CAST: variants seen among roughly 807,000 people sequenced by gnomAD.
CAST encodes calpastatin, also known as MIR583 host.
Under a neutral mutation model 119.6 loss-of-function variants are expected in CAST, and 76 were observed. The observed-to-expected ratio is 0.64, with a 90% CI of 0.53 to 0.77. The LOEUF (loss-of-function observed/expected upper bound fraction) is 0.77, where lower values mean the gene tolerates loss of function less well. Among genes scored for constraint, CAST ranks in the 30% least tolerant of loss-of-function variants. The probability of loss-of-function intolerance (pLI) is 0.00; values close to 1 mark genes in which losing one functional copy is unlikely to be tolerated. For synonymous variants in CAST, 319 were observed against 331.6 expected, an observed-to-expected ratio of 0.96 and a Z score of 0.41; for missense variants, 953 against 946.5, an observed-to-expected ratio of 1.01 and a Z score of -0.09.
the CAST span, among the ~76,000 whole-genome samples, chr5:96,164,040 A>G: frequency 6.6e-6 from 1 of 152,204 alleles, no homozygotes; most frequent in Non-Finnish European, 1.5e-5. Context: ...TACATGAAAA[A>G]AAAACACTGA....
intron 1 of CAST, among the ~76,000 whole-genome samples, chr5:96,530,571 T>C (rs1280206425): frequency 6.6e-6 from 1 of 152,078 alleles, no homozygotes; most frequent in African/African-American, 2.4e-5. Context: ...TAGTGAAAGA[T>C]TGCCCAGGAA....
the CAST span, among the ~76,000 whole-genome samples, chr5:96,267,462 C>T: frequency 3.1e-4 from 47 of 152,196 alleles, 1 homozygote; most frequent in East Asian, 8.9e-3. Flanking sequence ...AACAGAGCTC[C>T]AATTTGTTTG....
the CAST span, among the ~76,000 whole-genome samples, chr5:96,313,490 C>T: frequency 1.3e-5 from 2 of 152,152 alleles, no homozygotes; most frequent in Non-Finnish European, 2.9e-5. Flanking sequence ...TAGATTCATC[C>T]ATGCTGTTGT....
chr5:96,416,010 A>G, the CAST span: 2 of 1,457,160 alleles, frequency 1.4e-6, no homozygotes, highest in Non-Finnish European at 1.9e-6. Flanking sequence ...ATGCCAAGCT[A>G]TAGGGACAAT....
chr5:96,199,071 AC>A, the CAST span, among the ~76,000 whole-genome samples: 1 of 152,016 alleles, frequency 6.6e-6, no homozygotes. Flanking sequence ...TTTGATAAAA[AC>A]CCTTTGACAT....
the CAST span, among the ~76,000 whole-genome samples, chr5:96,330,464 T>G: frequency 6.6e-6 from 1 of 152,322 alleles, no homozygotes; most frequent in Admixed American, 6.5e-5. Context: ...GACAAATGTA[T>G]CAGTTGGGGA....
the CAST span, among the ~76,000 whole-genome samples, chr5:96,479,815 A>G: frequency 6.6e-6 from 1 of 152,024 alleles, no homozygotes; most frequent in African/African-American, 2.4e-5. Flanking sequence ...GTGAGGTGGG[A>G]ATTGTAGTAA....
the CAST span, among the ~76,000 whole-genome samples, chr5:96,154,393 G>T: frequency 3.9e-5 from 6 of 152,104 alleles, no homozygotes; most frequent in Non-Finnish European, 8.8e-5. Flanking sequence ...TAAAATTTTA[G>T]AACTGTTTTA....
chr5:96,629,015 C>T (rs766753170), intron 1 of CAST, among the ~76,000 whole-genome samples: 11 of 147,738 alleles, frequency 7.4e-5, no homozygotes, highest in Admixed American at 2.7e-4. Context: ...CCTCCATTTT[C>T]GTTCAGTTTC....
chr5:96,683,590 T>G (rs1234521634), intron 2 of CAST, among the ~76,000 whole-genome samples: 3 of 152,198 alleles, frequency 2.0e-5, no homozygotes, highest in Non-Finnish European at 4.4e-5. Context: ...CAGGACATGA[T>G]TAATCATCAC....
the CAST span, among the ~76,000 whole-genome samples, chr5:96,242,205 G>A: frequency 1.3e-4 from 19 of 151,376 alleles, no homozygotes; most frequent in African/African-American, 1.7e-4. Context: ...TAGGTCTAAC[G>A]TTTAAGTCTT....
At chr5:96,274,512 T>C in the CAST span, among the ~76,000 whole-genome samples, 4 of 152,198 alleles carry the variant, frequency 2.6e-5, no homozygotes, top group Non-Finnish European at 4.4e-5. Flanking sequence ...CATCATAAAT[T>C]TGAGGATGAA....
the CAST span, among the ~76,000 whole-genome samples, chr5:96,482,940 C>T: frequency 6.6e-6 from 1 of 152,172 alleles, no homozygotes; most frequent in Non-Finnish European, 1.5e-5. Context: ...CCATCCTAGT[C>T]ACTATTCCTT....
At chr5:96,320,676 T>C in the CAST span, among the ~76,000 whole-genome samples, 1 of 152,094 alleles carries the variant, frequency 6.6e-6, no homozygotes, top group African/African-American at 2.4e-5. Context: ...GAAAAACACA[T>C]TTAACTTGCT....
At chr5:96,580,132 A>C (rs960481743) in intron 1 of CAST, among the ~76,000 whole-genome samples, 1 of 152,246 alleles carries the variant, frequency 6.6e-6, no homozygotes, top group African/African-American at 2.4e-5. Flanking sequence ...AACTGGATTT[A>C]ATATGTCCAT....
At chr5:96,129,192 GAT>G in the CAST span, among the ~76,000 whole-genome samples, 1 of 152,098 alleles carries the variant, frequency 6.6e-6, no homozygotes, top group African/African-American at 2.4e-5. Flanking sequence ...ATCTAGACCA[GAT>G]ATACTGTGCA....
intron 1 of CAST, among the ~76,000 whole-genome samples, chr5:96,557,550 G>A (rs912552015): frequency 6.6e-6 from 1 of 152,048 alleles, no homozygotes; most frequent in Non-Finnish European, 1.5e-5. Context: ...AAAGGCAGGG[G>A]TTGCAATCCT....
At chr5:96,077,426 G>C in the CAST span, among the ~76,000 whole-genome samples, 1 of 152,134 alleles carries the variant, frequency 6.6e-6, no homozygotes, top group Non-Finnish European at 1.5e-5. Flanking sequence ...TTATTAGGCA[G>C]ATACACATTT....
At chr5:96,653,239 G>T (rs1290657008) in intron 1 of CAST, among the ~76,000 whole-genome samples, 1 of 152,208 alleles carries the variant, frequency 6.6e-6, no homozygotes, top group African/African-American at 2.4e-5. Flanking sequence ...TTGGGGCAGG[G>T]CTAGACCCCA....
Sources: gnomAD v4.1 joint callset for allele counts (sites outside exome capture counted in the v4.1 genomes callset) on GRCh38, gnomAD v4.1.1 for gene constraint, MANE v1.5 for transcripts, NCBI Gene and HGNC (gene_info 2026-07-23, HGNC 2026-07-21) for gene names.